Variants in PVT1 observed in about 807,000 individuals in gnomAD.
PVT1 encodes Pvt1 oncogene, also known as CXCR4/PVT1 fusion.
At chr8:128,010,788 G>A (rs1271929723) in intron 4 of PVT1, among the ~76,000 whole-genome samples, 1 of 152,146 alleles carries the variant, frequency 6.6e-6, no homozygotes, top group Non-Finnish European at 1.5e-5. Flanking sequence ...AGTTTCACAT[G>A]TCCCGTCTTG....
intron 3 of PVT1, among the ~76,000 whole-genome samples, chr8:127,942,036 A>C (rs1045964397): frequency 6.6e-6 from 1 of 152,170 alleles, no homozygotes. Context: ...GGGCACCCTG[A>C]GTCCCAGGTC....
At chr8:128,039,017 G>T (rs1813498183) in intron 4 of PVT1, among the ~76,000 whole-genome samples, 2 of 152,184 alleles carry the variant, frequency 1.3e-5, no homozygotes, top group Admixed American at 1.3e-4. Context: ...CAGAAGGAAG[G>T]GGAGGGACGG....
intron 3 of PVT1, chr8:127,932,786 C>A: frequency 3.3e-6 from 1 of 307,276 alleles, no homozygotes; most frequent in Non-Finnish European, 5.9e-6. Flanking sequence ...ACATCTCTGA[C>A]TGTACATACA....
intron 2 of PVT1, among the ~76,000 whole-genome samples, chr8:127,856,109 G>A (rs1282614681): frequency 6.6e-6 from 1 of 152,128 alleles, no homozygotes; most frequent in Admixed American, 6.5e-5. Context: ...AATGAGAGTG[G>A]GCATCCCTCT....
At chr8:127,802,476 A>G (rs142246995) in intron 2 of PVT1, among the ~76,000 whole-genome samples, 1,952 of 152,252 alleles carry the variant, frequency 0.013, 23 homozygotes, top group East Asian at 0.045. Flanking sequence ...TCAGCCTCCT[A>G]TAGTTCTAGG....
At chr8:128,060,241 G>A (rs1813814410) in intron 4 of PVT1, among the ~76,000 whole-genome samples, 2 of 152,208 alleles carry the variant, frequency 1.3e-5, no homozygotes, top group Admixed American at 1.3e-4. Context: ...GGGCGACAGA[G>A]TGAGACTCCG....
At chr8:127,855,593 T>C (rs751594133) in intron 2 of PVT1, among the ~76,000 whole-genome samples, 3 of 152,114 alleles carry the variant, frequency 2.0e-5, no homozygotes, top group Non-Finnish European at 4.4e-5. Flanking sequence ...GGTGAGGGGA[T>C]TGGAATCTGC....
At chr8:127,809,029 C>CAAAAAAAAAAAAAAAA (rs1158760672) in intron 2 of PVT1, among the ~76,000 whole-genome samples, 17 of 28,272 alleles carry the variant, frequency 6.0e-4, no homozygotes, top group African/African-American at 9.9e-4. Context: ...GATTCCATCT[C>CAAAAAAAAAAAAAAAA]AAAAAAAAAA....
chr8:127,892,055 C>T (rs1005912657), intron 3 of PVT1, among the ~76,000 whole-genome samples: 1 of 152,194 alleles, frequency 6.6e-6, no homozygotes, highest in Non-Finnish European at 1.5e-5. Context: ...GCTCTCAGAC[C>T]ACTTGAGGCC....
At chr8:127,966,439 C>A (rs1407843551) in intron 3 of PVT1, among the ~76,000 whole-genome samples, 1 of 152,224 alleles carries the variant, frequency 6.6e-6, no homozygotes, top group Non-Finnish European at 1.5e-5. Flanking sequence ...ATGCCCATTT[C>A]TCTCACTATG....
chr8:127,968,248 G>A (rs942217153), intron 3 of PVT1, among the ~76,000 whole-genome samples: 4 of 152,104 alleles, frequency 2.6e-5, no homozygotes, highest in South Asian at 2.1e-4. Context: ...TTGGGAACAG[G>A]ATCTGTCCTC....
At chr8:128,015,059 A>G (rs953014614) in intron 4 of PVT1, among the ~76,000 whole-genome samples, 2 of 113,400 alleles carry the variant, frequency 1.8e-5, no homozygotes, top group Non-Finnish European at 3.9e-5. Context: ...AAATAGATTT[A>G]TTTATTTATT....
rs984960668 is a variant in PVT1, at chr8:127,898,722, AGGCGG to A, written n.782+7725_782+7729del. Among the ~76,000 whole-genome samples, 5 of 152,068 alleles carry A rather than the reference AGGCGG, an allele frequency of 3.3e-5. No homozygotes were observed. The highest frequency in any genetic ancestry group is 6.6e-5 in the Admixed American group (1 of 15,262). On this transcript the variant is annotated intron_variant and non_coding_transcript_variant, in intron 3 of 10. Transcript: ENST00000651587. This position sits in a 1 kb window ranked among gnomAD's most constrained non-coding sequence, Gnocchi z 4.4. ...AGATTATTTCCCTGTGGTGGGGGTG[AGGCGG>A]TGGCGTGGGGGCTTCTTCCCTCTCT...
At chr8:127,811,078 C>T (rs1271365881) in intron 2 of PVT1, among the ~76,000 whole-genome samples, 2 of 152,088 alleles carry the variant, frequency 1.3e-5, no homozygotes, top group African/African-American at 4.8e-5. Flanking sequence ...TCCGGATTGG[C>T]AAACCAGCGG....
intron 4 of PVT1, among the ~76,000 whole-genome samples, chr8:128,068,194 T>A (rs1212519285): frequency 6.6e-6 from 1 of 151,966 alleles, no homozygotes; most frequent in African/African-American, 2.4e-5. Flanking sequence ...ACATTTTCAT[T>A]TGTTGTTCCT....
chr8:127,937,580 C>CAGAGAGAGAGAGAG lies in PVT1; in HGVS notation n.782+46598_782+46611dup, dbSNP rs1554598547. On this transcript the variant is annotated intron_variant and non_coding_transcript_variant, in intron 3 of 10. Transcript: ENST00000651587. Reference sequence around the variant, plus strand: ...ACACACACACACACACACACACACACAGAGAGAGAGAGAGAGAGAGAGAGA... The same window carrying CAGAGAGAGAGAGAG: ...ACACACACACACACACACACACACACAGAGAGAGAGAGAGAGAGAGAGAGAGAGAGAGAGAGAGA... Among the ~76,000 whole-genome samples the CAGAGAGAGAGAGAG allele has an allele frequency of 6.1e-3, 653 of 107,798 alleles. 7 individuals carry two copies. The highest frequency in any genetic ancestry group is 0.022 in the African/African-American group (587 of 26,954). 70.7% of individuals were successfully genotyped at this position (107,798 alleles called of 152,430 possible). A position where few individuals can be genotyped will look rare whatever the true frequency, so the allele number is the denominator to read the frequency against.
intron 3 of PVT1, among the ~76,000 whole-genome samples, chr8:127,963,297 C>T (rs1398072132): frequency 1.3e-5 from 2 of 152,198 alleles, no homozygotes; most frequent in South Asian, 2.1e-4. Context: ...TTGGATGGTG[C>T]GGTCCACGGG....
intron 3 of PVT1, among the ~76,000 whole-genome samples, chr8:127,929,532 C>T (rs150389413): frequency 0.029 from 4,376 of 151,742 alleles, 93 homozygotes; most frequent in African/African-American, 0.054. Flanking sequence ...TTTGGGAGGC[C>T]GAGGCAGGCG....
chr8:127,862,995 C>T (rs1353806350), intron 2 of PVT1, among the ~76,000 whole-genome samples: 1 of 152,166 alleles, frequency 6.6e-6, no homozygotes, highest in African/African-American at 2.4e-5. Context: ...CATTTCTTTA[C>T]AAATCTGCAT....
Sources: gnomAD v4.1 joint callset for allele counts (sites outside exome capture counted in the v4.1 genomes callset) on GRCh38, gnomAD v4.1.1 for gene constraint, Gnocchi (gnomAD v3.1) non-coding constraint, MANE v1.5 for transcripts, NCBI Gene and HGNC (gene_info 2026-07-23, HGNC 2026-07-21) for gene names.